DPP6: variants seen among roughly 807,000 people sequenced by gnomAD.
DPP6 encodes the protein dipeptidyl peptidase like 6, also known as A-type potassium channel modulatory protein DPP6.
Under a neutral mutation model 122.6 loss-of-function variants are expected in DPP6, and 69 were observed. The ratio of observed to expected loss-of-function variants is 0.56; its 90% CI spans 0.46 to 0.69. The LOEUF is 0.69. Among genes scored for constraint, DPP6 ranks in the 30% least tolerant of loss-of-function variants. DPP6 has a pLI of 0.00. For synonymous variants in DPP6, 418 were observed against 433.1 expected (o/e 0.97, Z 0.43); for missense variants, 928 against 1,116.9 (o/e 0.83, Z 2.41).
chr7:154,062,312 C>G (rs1233890193), intron 1 of DPP6, among the ~76,000 whole-genome samples: 2 of 75,950 alleles, frequency 2.6e-5, no homozygotes, highest in Non-Finnish European at 2.7e-5. Context: ...CTCTGAGGAC[C>G]CCCATCGCAG....
At chr7:153,873,124 G>A in the DPP6 span, among the ~76,000 whole-genome samples, 3 of 152,164 alleles carry the variant, frequency 2.0e-5, no homozygotes, top group Admixed American at 1.3e-4. Flanking sequence ...TGGCAATCAC[G>A]TGGTGAGGAA....
At chr7:154,171,184 A>G (rs373039033) in intron 1 of DPP6, among the ~76,000 whole-genome samples, 46 of 152,326 alleles carry the variant, frequency 3.0e-4, no homozygotes, top group African/African-American at 1.1e-3. Context: ...TTTCTGCTCT[A>G]TCAGGTAAAG....
the DPP6 span, among the ~76,000 whole-genome samples, chr7:153,801,735 C>T: frequency 3.3e-5 from 5 of 152,142 alleles, no homozygotes; most frequent in Admixed American, 6.5e-5. Flanking sequence ...CGTGGAAAAC[C>T]GTGGAACTTC....
chr7:154,062,031 C>T (rs1231535679), intron 1 of DPP6, among the ~76,000 whole-genome samples: 4 of 129,122 alleles, frequency 3.1e-5, no homozygotes, highest in Admixed American at 7.7e-5. Flanking sequence ...GGGAGGCACC[C>T]CCCGCGAGGC....
chr7:153,901,382 T>C (rs1183502420), intron 1 of DPP6, among the ~76,000 whole-genome samples: 2 of 152,236 alleles, frequency 1.3e-5, no homozygotes, highest in Non-Finnish European at 2.9e-5. Flanking sequence ...GAAAAGTCAG[T>C]GTAGTGCAAT....
At chr7:153,870,479 C>T in the DPP6 span, among the ~76,000 whole-genome samples, 21 of 152,352 alleles carry the variant, frequency 1.4e-4, no homozygotes, top group Admixed American at 1.3e-3. Flanking sequence ...ACATAATTCT[C>T]GTGCTGTGGT....
At chr7:153,888,342 G>A (rs756760185) in intron 1 of DPP6, among the ~76,000 whole-genome samples, 3 of 152,210 alleles carry the variant, frequency 2.0e-5, no homozygotes, top group Non-Finnish European at 2.9e-5. Flanking sequence ...TCGTCCCCCA[G>A]GAGGGCCGCG....
chr7:154,638,830 C>T (rs1835888813), intron 6 of DPP6, among the ~76,000 whole-genome samples: 1 of 152,162 alleles, frequency 6.6e-6, no homozygotes, highest in Non-Finnish European at 1.5e-5. Flanking sequence ...TCCTTCCCTC[C>T]CCTATTCTCA....
intron 1 of DPP6, among the ~76,000 whole-genome samples, chr7:154,263,786 G>A (rs1332217671): frequency 1.3e-5 from 2 of 152,106 alleles, no homozygotes; most frequent in African/African-American, 4.8e-5. Context: ...AACCTACCAG[G>A]TTCAAGTGAT....
intron 1 of DPP6, among the ~76,000 whole-genome samples, chr7:153,962,389 C>G (rs1470456720): frequency 6.6e-6 from 1 of 152,176 alleles, no homozygotes; most frequent in Admixed American, 6.5e-5. Flanking sequence ...GCCTTCCTTG[C>G]CTTCTCTGCA....
intron 6 of DPP6, among the ~76,000 whole-genome samples, chr7:154,664,392 A>G (rs1838009201): frequency 6.6e-6 from 1 of 152,246 alleles, no homozygotes; most frequent in Admixed American, 6.5e-5. Flanking sequence ...TATCTTAGAT[A>G]CCTACTGAAA....
At chr7:154,709,072 CG>C (rs1248610516) in intron 7 of DPP6, among the ~76,000 whole-genome samples, 7 of 151,874 alleles carry the variant, frequency 4.6e-5, no homozygotes, top group Admixed American at 2.6e-4. Flanking sequence ...AATAAAATAA[CG>C]TTGAAAAGCA....
chr7:154,515,044 A>G (rs985789253), intron 3 of DPP6, among the ~76,000 whole-genome samples: 1 of 152,248 alleles, frequency 6.6e-6, no homozygotes, highest in East Asian at 1.9e-4. Flanking sequence ...TTTCAATGCC[A>G]TTTTGACACT....
At chr7:154,562,237 GTAATACA>G (rs1563858151) in intron 4 of DPP6, among the ~76,000 whole-genome samples, 1 of 151,986 alleles carries the variant, frequency 6.6e-6, no homozygotes, top group African/African-American at 2.4e-5. Flanking sequence ...ATAAAAAGGG[GTAATACA>G]TCACGGTCGA....
intron 5 of DPP6, chr7:154,588,115 T>C (rs1226708305): frequency 6.3e-7 from 1 of 1,582,018 alleles, no homozygotes; most frequent in Admixed American, 1.7e-5. Context: ...AGCACAGGCT[T>C]GTTCCTTCAA....
At chr7:153,860,665 A>G in the DPP6 span, among the ~76,000 whole-genome samples, 2,295 of 135,772 alleles carry the variant, frequency 0.017, 71 homozygotes, top group African/African-American at 0.058. Context: ...AAAAAAAAAA[A>G]GGGGCCCTGT....
chr7:154,650,100 T>A (rs1414324402), intron 6 of DPP6, among the ~76,000 whole-genome samples: 2 of 152,100 alleles, frequency 1.3e-5, no homozygotes, highest in Non-Finnish European at 2.9e-5. Flanking sequence ...TGGGAGGATC[T>A]CTTGAGCCCA....
At chr7:153,984,922 G>A (rs1796767483) in intron 1 of DPP6, among the ~76,000 whole-genome samples, 1 of 152,150 alleles carries the variant, frequency 6.6e-6, no homozygotes, top group South Asian at 2.1e-4. Flanking sequence ...AAGAATCTTT[G>A]CACTATGCAT....
At chr7:154,172,501 C>G (rs981139257) in intron 1 of DPP6, among the ~76,000 whole-genome samples, 1 of 152,124 alleles carries the variant, frequency 6.6e-6, no homozygotes, top group African/African-American at 2.4e-5. Context: ...AACTTTCAAT[C>G]TTGGTCTGCT....
Sources: gnomAD v4.1 joint callset for allele counts (sites outside exome capture counted in the v4.1 genomes callset) on GRCh38, gnomAD v4.1.1 for gene constraint, MANE v1.5 for transcripts, NCBI Gene and HGNC (gene_info 2026-07-23, HGNC 2026-07-21) for gene names.